Variants in LNX1 observed in about 807,000 individuals in gnomAD.
LNX1 encodes the protein E3 ubiquitin-protein ligase LNX.
In LNX1, 54 loss-of-function variants were observed where a neutral mutation model predicts 68.4. That is an observed-to-expected ratio of 0.79 (90% confidence interval 0.63 to 0.99). LNX1 has a LOEUF of 0.99. Ranked by LOEUF, LNX1 falls within the 50% of genes least tolerant of loss-of-function variation. The probability of loss-of-function intolerance (pLI) is 0.00; values close to 1 mark genes in which losing one functional copy is unlikely to be tolerated. For synonymous variants in LNX1, 336 were observed against 350.0 expected, an observed-to-expected ratio of 0.96 and a Z score of 0.45; for missense variants, 906 against 926.4, an observed-to-expected ratio of 0.98 and a Z score of 0.29.
At chr4:53,500,604 A>G (rs534519825) in intron 4 of LNX1, 18 of 152,334 alleles carry the variant, frequency 1.2e-4, no homozygotes, top group African/African-American at 4.3e-4. Flanking sequence ...ATTTCTAAGT[A>G]TGTTAGGGCA....
intron 4 of LNX1, among the ~76,000 whole-genome samples, chr4:53,505,670 C>T (rs1487285907): frequency 6.6e-6 from 1 of 152,196 alleles, no homozygotes; most frequent in Admixed American, 6.5e-5. Flanking sequence ...TTAGTGGACA[C>T]TTATGTGCCA....
chr4:53,531,796 C>G (rs1728040834), intron 2 of LNX1, among the ~76,000 whole-genome samples: 1 of 152,182 alleles, frequency 6.6e-6, no homozygotes, highest in Admixed American at 6.5e-5. Context: ...AATTGCTGCT[C>G]AGAGTTCTAA....
At chr4:53,601,999 C>G (rs1733036728) in intron 2 of LNX1, among the ~76,000 whole-genome samples, 1 of 152,124 alleles carries the variant, frequency 6.6e-6, no homozygotes. Context: ...CAGTCAGCAC[C>G]ATTGTCCTCC....
At chr4:53,642,223 T>TAAA (rs745476837) in intron 1 of LNX1, among the ~76,000 whole-genome samples, 1 of 96,250 alleles carries the variant, frequency 1.0e-5, no homozygotes, top group Admixed American at 1.2e-4. Context: ...AATCCTATCT[T>TAAA]AAAAAAAAAA....
rs1007186584 is a variant in LNX1 at position 53,558,240 on chromosome 4, G to T, written c.380+15383C>A. ...CTGAGAGCAGGCAAGCTGATGCCCAGGAAAGGAACCAGCCCCTCCTGCAGG... is the reference window on the plus strand; with the variant it reads ...CTGAGAGCAGGCAAGCTGATGCCCATGAAAGGAACCAGCCCCTCCTGCAGG... On this transcript the variant is annotated intron_variant, in intron 2 of 10. Transcript: ENST00000263925. The T allele has an allele frequency of 8.9e-6, 11 of 1,240,074 alleles. No homozygotes were observed. The Admixed American group carries it at 4.0e-4, about 45-fold the overall frequency. 76.8% of individuals were successfully genotyped at this position (1,240,074 alleles called of 1,614,324 possible). A position where few individuals can be genotyped will look rare whatever the true frequency, so the allele number is the denominator to read the frequency against.
chr4:53,482,444 T>C (rs1677325228), intron 6 of LNX1, among the ~76,000 whole-genome samples: 1 of 152,108 alleles, frequency 6.6e-6, no homozygotes, highest in Non-Finnish European at 1.5e-5. Context: ...CACAAAGACA[T>C]GGAATCAACT....
chr4:53,500,440 A>G (rs1725389717), intron 4 of LNX1: 1 of 152,152 alleles, frequency 6.6e-6, no homozygotes, highest in Admixed American at 6.6e-5. Flanking sequence ...CCTCACCTTA[A>G]GAGTCTCCTT....
intron 2 of LNX1, among the ~76,000 whole-genome samples, chr4:53,570,994 T>C (rs1731122646): frequency 6.7e-6 from 1 of 148,822 alleles, no homozygotes; most frequent in African/African-American, 2.5e-5. Flanking sequence ...GCCACTGCAC[T>C]CCAACCTGGG....
intron 2 of LNX1, among the ~76,000 whole-genome samples, chr4:53,563,400 C>T (rs1187244644): frequency 6.6e-6 from 1 of 152,202 alleles, no homozygotes; most frequent in African/African-American, 2.4e-5. Context: ...ATTCAAGGGT[C>T]TCCAGAGGTA....
chr4:53,463,385 A>AGTGGTGTTTT (rs1579341917), intron 9 of LNX1, among the ~76,000 whole-genome samples: 1 of 151,580 alleles, frequency 6.6e-6, no homozygotes, highest in East Asian at 1.9e-4. Flanking sequence ...GCCTTCTTTT[A>AGTGGTGTTTT]GTGGTGTTTT....
chr4:53,522,459 C>T (rs1727295793), intron 2 of LNX1, among the ~76,000 whole-genome samples: 1 of 152,192 alleles, frequency 6.6e-6, no homozygotes, highest in Admixed American at 6.5e-5. Context: ...AGCAGACAGG[C>T]AAACAAGTCC....
intron 2 of LNX1, among the ~76,000 whole-genome samples, chr4:53,556,081 G>A (rs6836604): frequency 1.3e-5 from 2 of 152,170 alleles, no homozygotes; most frequent in African/African-American, 4.8e-5. Context: ...GGGTCTTGTA[G>A]ATGCAATTAA....
At chr4:53,616,168 C>T (rs1733671939) in intron 2 of LNX1, among the ~76,000 whole-genome samples, 1 of 152,138 alleles carries the variant, frequency 6.6e-6, no homozygotes, top group South Asian at 2.1e-4. Context: ...TTTCTGTGGG[C>T]TTGGATATTT....
At chr4:53,505,191 G>A (rs189053889) in intron 4 of LNX1, among the ~76,000 whole-genome samples, 11 of 152,098 alleles carry the variant, frequency 7.2e-5, no homozygotes, top group East Asian at 1.9e-4. Context: ...CACCTAGGCC[G>A]GTGCCTTACA....
At chr4:53,613,014 C>T (rs1733552151) in intron 2 of LNX1, among the ~76,000 whole-genome samples, 1 of 150,030 alleles carries the variant, frequency 6.7e-6, no homozygotes, top group Non-Finnish European at 1.5e-5. Flanking sequence ...AACAAAAGCC[C>T]CTGTGTGTGT....
intron 1 of LNX1, chr4:53,576,388 C>A: frequency 6.4e-7 from 1 of 1,567,452 alleles, no homozygotes; most frequent in African/African-American, 1.4e-5. Flanking sequence ...GCAGGACTGA[C>A]CCCTCACATG....
At position 53,519,662 on chromosome 4, in the gene LNX1, C is replaced by CACACTCTG. The variant is rs1265471885; in HGVS notation, c.381-11436_381-11435insCAGAGTGT. ...GCCCTGTGTCTGTCAAGGTATCTGACACACACACACATGCGCGCACATGCA... is the reference window on the plus strand; with the variant it reads ...GCCCTGTGTCTGTCAAGGTATCTGACACACTCTGACACACACACATGCGCGCACATGCA... On this transcript the variant is annotated intron_variant, in intron 2 of 10. Transcript: ENST00000263925. Among the ~76,000 whole-genome samples, 41 of 151,576 alleles carry CACACTCTG rather than the reference C, an allele frequency of 2.7e-4. No individual in the cohort carries two copies. In the East Asian group the frequency reaches 3.3e-3, roughly 12 times the overall value.
chr4:53,496,175 T>C lies in LNX1; in HGVS notation c.1198A>G (p.Lys400Glu). Reference sequence around the variant, plus strand: ...ATGAAAACCCCAGGCTCATCCACCTTGCGCACCAGTTTTATTCCAAGCTGC... The same window carrying C: ...ATGAAAACCCCAGGCTCATCCACCTCGCGCACCAGTTTTATTCCAAGCTGC... ...EEQLGIKLVR[K>E]VDEPGVFIFN... is the part of the protein sequence containing the mutation. Residue 400 changes from lysine (K) to glutamate (E), a missense_variant, in exon 6 of 11, where the codon AAG becomes GAG. Lys to Glu is a moderately conservative substitution (Grantham distance 56, BLOSUM62 1). Transcript: ENST00000263925. 1 of 1,614,110 alleles carries C rather than the reference T, an allele frequency of 6.2e-7. No homozygotes were observed. Among genetic ancestry groups the C allele is most frequent in the Non-Finnish European group, 8.5e-7 (1 of 1,180,014 alleles).
At chr4:53,542,308 T>C (rs1728816723) in intron 2 of LNX1, among the ~76,000 whole-genome samples, 1 of 152,208 alleles carries the variant, frequency 6.6e-6, no homozygotes, top group Admixed American at 6.5e-5. Flanking sequence ...TTAAAGATTG[T>C]AATACTGTTG....
Sources: gnomAD v4.1 joint callset for allele counts (sites outside exome capture counted in the v4.1 genomes callset) on GRCh38, gnomAD v4.1.1 for gene constraint, MANE v1.5 for transcripts, NCBI Gene and HGNC (gene_info 2026-07-23, HGNC 2026-07-21) for gene names.